The following SLC6A16 variants were observed in gnomAD, a reference collection of about 807,000 sequenced individuals.
The protein encoded by SLC6A16 is orphan sodium- and chloride-dependent neurotransmitter transporter NTT5.
In SLC6A16, 54 loss-of-function variants were observed where a neutral mutation model predicts 65.4. That is an observed-to-expected ratio of 0.83 (90% CI 0.66 to 1.04). The LOEUF (loss-of-function observed/expected upper bound fraction) is 1.04. SLC6A16 is among the 50% of genes least tolerant of loss of function. The pLI is 0.00. For missense variants in SLC6A16, 816 were observed against 914.0 expected (o/e 0.89, Z 1.38); for synonymous variants, 330 against 346.5 (o/e 0.95, Z 0.53).
At chr19:49,336,793 C>A in the SLC6A16 span, 1 of 1,101,212 alleles carries the variant, frequency 9.1e-7, no homozygotes, top group Non-Finnish European at 1.3e-6. Context: ...GGGACAGAGT[C>A]CCAGAGAGAG....
In SLC6A16 at chr19:49,289,785, T is replaced by C. The variant is rs559386450; in HGVS notation, c.*338A>G. The stretch of plus-strand genomic sequence containing the variant: ...AGTCCTTGGAGTTCCAGTAGACTGA[T>C]TTATTCACCAACAGCATTGCTCCTC... On this transcript the variant is annotated 3_prime_UTR_variant, in exon 12 of 12. Coordinates refer to ENST00000335875, the MANE Select transcript of SLC6A16 (RefSeq NM_014037.3). 5 of 280,436 alleles carry C rather than the reference T, an allele frequency of 1.8e-5. 1 individual carries two copies. The South Asian group carries it at 3.2e-4, about 18-fold the overall frequency. 17.4% of individuals were successfully genotyped at this position (280,436 alleles called of 1,614,324 possible).
chr19:49,322,128 G>A (rs901377583), intron 1 of SLC6A16, among the ~76,000 whole-genome samples: 17 of 151,910 alleles, frequency 1.1e-4, no homozygotes, highest in African/African-American at 3.9e-4. Flanking sequence ...TAAATAAAAG[G>A]AAACCAAACT....
At chr19:49,304,016 T>C (rs891950330) in intron 7 of SLC6A16, among the ~76,000 whole-genome samples, 1 of 152,222 alleles carries the variant, frequency 6.6e-6, no homozygotes, top group African/African-American at 2.4e-5. Flanking sequence ...TACAAGAGTT[T>C]GACACTGACT....
At chr19:49,339,079 G>C in the SLC6A16 span, 1 of 739,904 alleles carries the variant, frequency 1.4e-6, no homozygotes, top group African/African-American at 1.7e-5. The surrounding 1 kb of genome is among the most constrained non-coding windows in gnomAD (Gnocchi z 4.5). Context: ...GCCCTCTGAA[G>C]GGGGCGGGGT....
In SLC6A16 at chr19:49,292,807, G is replaced by A. The variant is rs982334105; in HGVS notation, c.1778+416C>T. ...GAGTCTGCTCACATGTCACCTTATC[G>A]GAAGGGCCCTCCCTGAAGTCGTATG... On this transcript the variant is annotated intron_variant, in intron 10 of 11. Coordinates refer to ENST00000335875, the MANE Select transcript of SLC6A16 (RefSeq NM_014037.3). The surrounding 1 kb of genome is among the most constrained non-coding windows in gnomAD (Gnocchi z 4.3). Among the ~76,000 whole-genome samples the A allele has an allele frequency of 3.3e-5, 5 of 152,052 alleles. No homozygotes were observed. Among genetic ancestry groups the A allele is most frequent in the African/African-American group, 9.7e-5 (4 of 41,386 alleles).
At chr19:49,307,205 G>T (rs1279032562) in intron 7 of SLC6A16, among the ~76,000 whole-genome samples, 1 of 151,478 alleles carries the variant, frequency 6.6e-6, no homozygotes, top group African/African-American at 2.4e-5. Flanking sequence ...CCATATGTAG[G>T]TAATAGCTCA....
chr19:49,295,299 G>C (rs1040596870), intron 7 of SLC6A16, among the ~76,000 whole-genome samples: 1 of 151,894 alleles, frequency 6.6e-6, no homozygotes, highest in African/African-American at 2.4e-5. Flanking sequence ...AGAATTGCTT[G>C]AACCTGGGAG....
At chr19:49,328,310 G>A (rs1970817766), upstream of SLC6A16, among the ~76,000 whole-genome samples, 1 of 152,118 alleles carries the variant, frequency 6.6e-6, no homozygotes, top group Non-Finnish European at 1.5e-5. Flanking sequence ...AAAACCATCA[G>A]ATCTCATGAG....
chr19:49,339,420 T>C, the SLC6A16 span: 19 of 1,612,624 alleles, frequency 1.2e-5, no homozygotes, highest in Non-Finnish European at 1.6e-5. The surrounding 1 kb of genome is among the most constrained non-coding windows in gnomAD (Gnocchi z 4.5). Flanking sequence ...CGAGGTGATC[T>C]GGCCCCGCCC....
chr19:49,290,228 G>C lies in SLC6A16; in HGVS notation c.2106C>G (p.Ser702=). The change falls in exon 12 of 12, where the codon TCC becomes TCG. Residue 702 remains serine (S), a synonymous_variant. Coordinates refer to ENST00000335875, the MANE Select transcript of SLC6A16 (RefSeq NM_014037.3). ...GTGTTAGCTGGTGACTTAGGGGTAG[G>C]GATGTGGAGGCTGTCATAGGCCCGT... ...SGDGPMTAST[S]LPLSHQLTPS... is the part of the protein sequence containing the mutation. 1 of 1,614,126 alleles carries C rather than the reference G, an allele frequency of 6.2e-7. No individual in the cohort carries two copies. Among genetic ancestry groups the C allele is most frequent in the Non-Finnish European group, 8.5e-7 (1 of 1,180,022 alleles).
intron 9 of SLC6A16, 140 bp from the exon 10 acceptor site, chr19:49,293,522 T>C: frequency 1.3e-6 from 1 of 787,304 alleles, no homozygotes; most frequent in East Asian, 2.7e-5. Context: ...CCAAGCATTT[T>C]GGGGAGCCTA....
At chr19:49,324,396 T>G (rs1183948609) in intron 1 of SLC6A16, among the ~76,000 whole-genome samples, 1 of 152,206 alleles carries the variant, frequency 6.6e-6, no homozygotes, top group Non-Finnish European at 1.5e-5. Flanking sequence ...ACAGTTGTCC[T>G]TAAAAGCAAG....
chr19:49,338,853 C>G, the SLC6A16 span: 4 of 1,614,054 alleles, frequency 2.5e-6, no homozygotes, highest in African/African-American at 1.3e-5. This position sits in a 1 kb window ranked among gnomAD's most constrained non-coding sequence, Gnocchi z 5.0. Context: ...CTTGCCCCAG[C>G]TCAGCAGGCT....
At chr19:49,298,399 AAAAT>A (rs1970223533) in intron 7 of SLC6A16, among the ~76,000 whole-genome samples, 1 of 152,228 alleles carries the variant, frequency 6.6e-6, no homozygotes, top group South Asian at 2.1e-4. Flanking sequence ...TGATAAGCAA[AAAAT>A]AAATAACCCC....
Position 49,312,610 on chromosome 19 carries a change from C to A in SLC6A16, c.-64-1199G>T, listed in dbSNP as rs1445250306. The A allele has an allele frequency of 5.6e-5, 55 of 977,792 alleles. No individual in the cohort carries two copies. In the African/African-American group the frequency reaches 9.4e-4, roughly 17 times the overall value. 60.6% of individuals were successfully genotyped at this position (977,792 alleles called of 1,614,324 possible). Reference sequence around the variant, plus strand: ...TACAAGAGAAAAGGCAAGGAGTGTGCTGAAAAAAAAAAAGTTACATGAAAG... The same window carrying A: ...TACAAGAGAAAAGGCAAGGAGTGTGATGAAAAAAAAAAAGTTACATGAAAG... On this transcript the variant is annotated intron_variant, in intron 1 of 11. Coordinates refer to ENST00000335875, the MANE Select transcript of SLC6A16 (RefSeq NM_014037.3).
At position 49,309,686 on chromosome 19, in the gene SLC6A16, C is replaced by G; in HGVS notation, c.841G>C (p.Ala281Pro). ...PFFLCWCLVG[A>P]FMINGLKSTG... The stretch of plus-strand genomic sequence containing the variant: ...GACTTGAGCCCATTGATCATGAAAG[C>G]ACCAACAAGACACCAGCAAAGAAAG... Residue 281 changes from alanine to proline, a missense_variant, in exon 5 of 12, where the codon GCT becomes CCT. Physicochemically the swap from Ala to Pro is conservative, Grantham distance 27 (BLOSUM62 -1). Coordinates refer to ENST00000335875, the MANE Select transcript of SLC6A16 (RefSeq NM_014037.3). 1.9e-6 allele frequency: 3 copies of G among 1,614,100 alleles called. No individual in the cohort carries two copies. Among genetic ancestry groups the G allele is most frequent in the Non-Finnish European group, 2.5e-6 (3 of 1,179,998 alleles).
chr19:49,317,064 G>A (rs1452818846), intron 1 of SLC6A16, among the ~76,000 whole-genome samples: 1 of 148,276 alleles, frequency 6.7e-6, no homozygotes, highest in African/African-American at 2.5e-5. Context: ...AATAGGCCAG[G>A]TGCAGTGGTT....
At position 49,311,380 on chromosome 19, in the gene SLC6A16, C is replaced by G. The variant is rs781229616; in HGVS notation, c.-33G>C. The G allele has an allele frequency of 6.6e-7, 1 of 1,526,618 alleles. No individual in the cohort carries two copies. The highest frequency in any genetic ancestry group is 8.8e-7 in the Non-Finnish European group (1 of 1,138,650). The allele number at this position is 1,526,618 out of a possible 1,614,324, so 94.6% of individuals were successfully genotyped here. ...AGACTCTCTGGGGCAGCTCCCGCTTCTGCAAGGGAGGGTTCATCTTCCTGA... is the reference window on the plus strand; with the variant it reads ...AGACTCTCTGGGGCAGCTCCCGCTTGTGCAAGGGAGGGTTCATCTTCCTGA... On this transcript the variant is annotated 5_prime_UTR_variant, in exon 2 of 12. Transcript: ENST00000335875.
intron 1 of SLC6A16, among the ~76,000 whole-genome samples, chr19:49,320,322 C>T (rs191721346): frequency 5.9e-5 from 9 of 151,516 alleles, no homozygotes; most frequent in African/African-American, 1.7e-4. Flanking sequence ...GCAGGAGAAT[C>T]GCTTGAACCT....
Sources: gnomAD v4.1 joint callset for allele counts (sites outside exome capture counted in the v4.1 genomes callset) on GRCh38, gnomAD v4.1.1 for gene constraint, Gnocchi (gnomAD v3.1) non-coding constraint, MANE v1.5 for transcripts, NCBI Gene and HGNC (gene_info 2026-07-23, HGNC 2026-07-21) for gene names.